The following RBFOX1 variants were observed in gnomAD, a reference collection of about 807,000 sequenced individuals.
The protein encoded by RBFOX1 is RNA binding fox-1 homolog 1, also known as RNA binding protein fox-1 homolog 1.
A neutral mutation model predicts 57.7 loss-of-function variants in RBFOX1; 8 were observed. The ratio of observed to expected loss-of-function variants is 0.14; its 90% confidence interval spans 0.08 to 0.25. The LOEUF is 0.25. Among genes scored for constraint, RBFOX1 ranks in the 10% least tolerant of loss-of-function variants. The pLI is 1.00. For synonymous variants in RBFOX1, 326 were observed against 222.4 expected (o/e 1.47, Z -4.15); for missense variants, 611 against 548.5 (o/e 1.11, Z -1.14).
At chr16:6,580,850 G>T (rs772380969) in intron 2 of RBFOX1, among the ~76,000 whole-genome samples, 1 of 150,834 alleles carries the variant, frequency 6.6e-6, no homozygotes, top group Non-Finnish European at 1.5e-5. Flanking sequence ...AGTGTTAACC[G>T]ATGCCTAAAT....
intron 2 of RBFOX1, among the ~76,000 whole-genome samples, chr16:6,431,720 A>G (rs764337666): frequency 7.2e-5 from 11 of 152,058 alleles, no homozygotes; most frequent in South Asian, 2.1e-4. Flanking sequence ...TGAACTTCCA[A>G]TGGGGTGCTC....
At chr16:6,329,162 A>G (rs567792258) in intron 2 of RBFOX1, among the ~76,000 whole-genome samples, 7 of 152,154 alleles carry the variant, frequency 4.6e-5, no homozygotes, top group African/African-American at 1.7e-4. Flanking sequence ...CTGAATTCCT[A>G]CCTGACTCCA....
intron 1 of RBFOX1, among the ~76,000 whole-genome samples, chr16:5,404,446 A>G (rs1382909185): frequency 6.6e-6 from 1 of 152,140 alleles, no homozygotes; most frequent in Non-Finnish European, 1.5e-5. Flanking sequence ...TGTCACTTAG[A>G]GAAAGTTTCT....
chr16:5,706,706 G>C (rs924922329), intron 3 of RBFOX1, among the ~76,000 whole-genome samples: 4 of 152,262 alleles, frequency 2.6e-5, no homozygotes, highest in Non-Finnish European at 5.9e-5. Context: ...GTTGCCAAAT[G>C]AAATGATTTT....
chr16:5,415,027 G>A (rs2067124935), intron 1 of RBFOX1, among the ~76,000 whole-genome samples: 1 of 152,246 alleles, frequency 6.6e-6, no homozygotes, highest in African/African-American at 2.4e-5. Context: ...AGTCTTGTAA[G>A]GTTGACCCCG....
rs114223156 is a variant in RBFOX1, at chr16:7,017,230, C to G, written c.-15-34827C>G. Among the ~76,000 whole-genome samples, 1,042 of 152,242 alleles carry G rather than the reference C, an allele frequency of 6.8e-3. 9 individuals are homozygous for G. Among genetic ancestry groups the G allele is most frequent in the African/African-American group, 0.024 (978 of 41,542 alleles). On this transcript the variant is annotated intron_variant, in intron 3 of 15. Transcript: ENST00000550418. ...TTTCCCTTCAGGGAATGGGAGCTAT[C>G]TAAACAAAATGTGCAGCCTCGGCTG...
intron 1 of RBFOX1, among the ~76,000 whole-genome samples, chr16:6,255,392 C>A (rs1232371963): frequency 6.6e-6 from 1 of 152,036 alleles, no homozygotes; most frequent in Admixed American, 6.6e-5. Flanking sequence ...TTTGCTCGGC[C>A]AAGAGGTGAA....
intron 2 of RBFOX1, among the ~76,000 whole-genome samples, chr16:6,382,357 T>C (rs1891326): frequency 0.25 from 37,651 of 152,050 alleles, 8,326 homozygotes; most frequent in African/African-American, 0.59. Context: ...AAAGAAGGTG[T>C]GTAAGTTGTG....
intron 2 of RBFOX1, among the ~76,000 whole-genome samples, chr16:6,401,827 AT>A (rs1343908784): frequency 6.6e-6 from 1 of 152,080 alleles, no homozygotes; most frequent in Admixed American, 6.6e-5. Context: ...CAGCTATTGC[AT>A]TTATGGGATC....
intron 1 of RBFOX1, among the ~76,000 whole-genome samples, chr16:5,252,723 G>C (rs896721464): frequency 6.6e-5 from 10 of 152,200 alleles, no homozygotes; most frequent in Non-Finnish European, 1.5e-4. Flanking sequence ...CCCATCTGGA[G>C]CTCGGCTGCC....
intron 4 of RBFOX1, among the ~76,000 whole-genome samples, chr16:7,266,805 G>C (rs1009674222): frequency 6.6e-6 from 1 of 152,208 alleles, no homozygotes; most frequent in Non-Finnish European, 1.5e-5. Context: ...CGATTACAGA[G>C]ATGAACTGGG....
At chr16:7,645,012 C>G (rs975944219) in intron 11 of RBFOX1, among the ~76,000 whole-genome samples, 2 of 152,166 alleles carry the variant, frequency 1.3e-5, no homozygotes, top group Non-Finnish European at 2.9e-5. Context: ...CTCTTACAAT[C>G]TTATTCCCGA....
intron 1 of RBFOX1, among the ~76,000 whole-genome samples, chr16:6,275,894 T>G (rs979266917): frequency 2.6e-5 from 4 of 152,188 alleles, no homozygotes; most frequent in African/African-American, 9.6e-5. Flanking sequence ...ATTTACCAAA[T>G]AACCCTAATA....
chr16:6,821,212 G>T (rs534274889), intron 3 of RBFOX1, among the ~76,000 whole-genome samples: 1 of 152,240 alleles, frequency 6.6e-6, no homozygotes, highest in East Asian at 1.9e-4. Flanking sequence ...GTCCAGTCAT[G>T]GCCTCTACCC....
intron 1 of RBFOX1, among the ~76,000 whole-genome samples, chr16:6,241,474 G>C (rs548961463): frequency 6.6e-6 from 1 of 152,172 alleles, no homozygotes; most frequent in African/African-American, 2.4e-5. Context: ...AAAAAAATCA[G>C]ACATGACTGC....
chr16:7,340,125 G>A (rs776099363), intron 4 of RBFOX1, among the ~76,000 whole-genome samples: 35 of 152,330 alleles, frequency 2.3e-4, no homozygotes, highest in Non-Finnish European at 4.3e-4. Flanking sequence ...AGAGGGCAGG[G>A]TCAGCCCCAA....
At chr16:7,416,886 C>A (rs565258761) in intron 4 of RBFOX1, among the ~76,000 whole-genome samples, 6 of 152,146 alleles carry the variant, frequency 3.9e-5, no homozygotes, top group Non-Finnish European at 8.8e-5. Flanking sequence ...CAACAACCCT[C>A]TGAAGGAGGT....
chr16:6,993,534 TCCTTTCCC>T (rs1303503009), intron 3 of RBFOX1, among the ~76,000 whole-genome samples: 2 of 152,106 alleles, frequency 1.3e-5, no homozygotes, highest in Non-Finnish European at 2.9e-5. Flanking sequence ...TGGTTAAAGG[TCCTTTCCC>T]CTTTGTAATT....
chr16:7,599,686 C>T (rs1002338240), intron 9 of RBFOX1, among the ~76,000 whole-genome samples: 1 of 120,526 alleles, frequency 8.3e-6, no homozygotes, highest in African/African-American at 4.2e-5. Context: ...CACTTTTTCA[C>T]CCAGGCTGGA....
Sources: gnomAD v4.1 joint callset for allele counts (sites outside exome capture counted in the v4.1 genomes callset) on GRCh38, gnomAD v4.1.1 for gene constraint, MANE v1.5 for transcripts, NCBI Gene and HGNC (gene_info 2026-07-23, HGNC 2026-07-21) for gene names.